Variants in MAP7D2 observed in about 807,000 individuals in gnomAD.
The protein encoded by MAP7D2 is MAP7 domain-containing protein 2.
Under a neutral mutation model 63.5 loss-of-function variants are expected in MAP7D2, and 33 were observed. The observed-to-expected ratio is 0.52, with a 90% CI of 0.39 to 0.70. The LOEUF (loss-of-function observed/expected upper bound fraction) is 0.70. Ranked by LOEUF, MAP7D2 falls within the 30% of genes least tolerant of loss-of-function variation. The pLI, the probability that MAP7D2 is intolerant of heterozygous loss-of-function variation, is 0.00. For missense variants in MAP7D2, 626 were observed against 604.0 expected, an observed-to-expected ratio of 1.04 and a Z score of -0.38; for synonymous variants, 224 against 223.7, an observed-to-expected ratio of 1.00 and a Z score of -0.01.
chrX:20,008,279 G>C lies in MAP7D2; in HGVS notation c.*146C>G, dbSNP rs752228968. 37 of 112,120 alleles carry C rather than the reference G, an allele frequency of 3.3e-4. No homozygotes were observed. Among genetic ancestry groups the C allele is most frequent in the African/African-American group, 1.2e-3 (36 of 30,948 alleles). The allele number at this position is 112,120 out of a possible 1,213,427, so 9.2% of individuals were successfully genotyped here. ...TGGCCAGTGTTTGACATACTACCTA[G>C]GAATACAGTTACATTCCGAGCTAAT... On this transcript the variant is annotated 3_prime_UTR_variant, in exon 17 of 17. Coordinates refer to ENST00000379643, the MANE Select transcript of MAP7D2 (RefSeq NM_001168465.2).
At chrX:20,061,118 C>CAAAA (rs780468494) in intron 3 of MAP7D2, among the ~76,000 whole-genome samples, 4 of 34,867 alleles carry the variant, frequency 1.1e-4, no homozygotes, top group Non-Finnish European at 1.6e-4. Flanking sequence ...AGAACATGAC[C>CAAAA]AAAAAAAAAA....
intron 1 of MAP7D2, among the ~76,000 whole-genome samples, chrX:20,112,572 C>A (rs2066774795): frequency 9.0e-6 from 1 of 111,062 alleles, no homozygotes; most frequent in African/African-American, 3.3e-5. Flanking sequence ...TTAAATGCGG[C>A]CGACTCAGAT....
chrX:20,025,599 C>T (rs1043123388), intron 9 of MAP7D2, 82 bp downstream of exon 9: 1 of 1,128,765 alleles, frequency 8.9e-7, no homozygotes, highest in African/African-American at 1.8e-5. Flanking sequence ...CCTTTCCCTC[C>T]CCAAAACATG....
intron 2 of MAP7D2, 43 bp from the exon 3 acceptor site, chrX:20,063,620 C>T: frequency 8.5e-7 from 1 of 1,181,308 alleles, no homozygotes; most frequent in Non-Finnish European, 1.1e-6. Flanking sequence ...ACCAGAGCAT[C>T]CCATGCAGTT....
At chrX:20,053,879 T>C (rs187806499) in intron 4 of MAP7D2, among the ~76,000 whole-genome samples, 112 of 112,192 alleles carry the variant, frequency 1.0e-3, no homozygotes, top group African/African-American at 3.5e-3. Flanking sequence ...AGTCTTGCTC[T>C]GTCTCCCAGG....
At chrX:20,050,268 T>C (rs1377152785) in intron 6 of MAP7D2, among the ~76,000 whole-genome samples, 1 of 111,792 alleles carries the variant, frequency 8.9e-6, no homozygotes, top group Non-Finnish European at 1.9e-5. Context: ...AGCTCCTAGA[T>C]GCTGCTGCCA....
intron 1 of MAP7D2, among the ~76,000 whole-genome samples, chrX:20,113,195 CAA>C (rs1382633973): frequency 6.3e-5 from 7 of 111,830 alleles, no homozygotes; most frequent in Non-Finnish European, 1.3e-4. Flanking sequence ...TTCCTACTAC[CAA>C]AGAGACTCTA....
chrX:20,082,024 C>T (rs1400688760), intron 1 of MAP7D2, among the ~76,000 whole-genome samples: 1 of 111,570 alleles, frequency 9.0e-6, no homozygotes. Context: ...CCTGCTATTC[C>T]AACTTAGCTC....
At chrX:20,029,524 G>A (rs756910191) in intron 8 of MAP7D2, among the ~76,000 whole-genome samples, 1 of 112,035 alleles carries the variant, frequency 8.9e-6, no homozygotes, top group African/African-American at 3.2e-5. Context: ...TTAAGAGAAT[G>A]GTCACATGTA....
In MAP7D2 at chrX:20,042,868, A is replaced by G. The variant is rs1246750516; in HGVS notation, c.880-239T>C. On this transcript the variant is annotated intron_variant, in intron 7 of 16. Transcript: ENST00000379643. ...GATTTCCTTCTCCTTGTTGTCTTTCAAAGAGTTAACAACTGAACCATATTA... is the reference window on the plus strand; with the variant it reads ...GATTTCCTTCTCCTTGTTGTCTTTCGAAGAGTTAACAACTGAACCATATTA... Among the ~76,000 whole-genome samples the G allele has an allele frequency of 3.6e-5, 4 of 112,417 alleles. No homozygotes were observed. The East Asian group carries it at 1.1e-3, about 31-fold the overall frequency.
intron 1 of MAP7D2, among the ~76,000 whole-genome samples, chrX:20,094,542 GTATATATATATATATATATATATATACA>G (rs2066187237): frequency 1.1e-3 from 7 of 6,095 alleles, no homozygotes; most frequent in South Asian, 0.032. Flanking sequence ...ATATATATAT[GTATATATATATATATATATATATATACA>G]TATATATGTA....
rs186679387 is a variant in MAP7D2 at position 20,116,839 on chromosome X, G to C, written c.41C>G (p.Pro14Arg). The change falls in exon 1 of 17, where the codon CCT becomes CGT. Residue 14 changes from proline to arginine, a missense_variant. Transcript: ENST00000379643. ...GGGGSGTGSR[P>R]EGTARGTSLP... The stretch of plus-strand genomic sequence containing the variant: ...AGAGGTTCCCCGCGCAGTCCCCTCA[G>C]GCCGGGATCCCGTCCCGGAGCCGCC... The C allele has an allele frequency of 8.6e-7, 1 of 1,165,868 alleles. No individual in the cohort carries two copies. The highest frequency in any genetic ancestry group is 3.4e-5 in the East Asian group (1 of 29,310).
chrX:20,112,807 C>A lies in MAP7D2; in HGVS notation c.130+3943G>T, dbSNP rs745875376. On this transcript the variant is annotated intron_variant, in intron 1 of 16. Coordinates refer to ENST00000379643, the MANE Select transcript of MAP7D2 (RefSeq NM_001168465.2). ...AATATATCTCATCAAATCCTCTCAA[C>A]AAGACCCACCAGGATATTTACCAAC... Among the ~76,000 whole-genome samples the A allele has an allele frequency of 8.1e-5, 9 of 111,783 alleles. No individual in the cohort carries two copies. In the East Asian group the frequency reaches 2.2e-3, roughly 28 times the overall value.
intron 1 of MAP7D2, among the ~76,000 whole-genome samples, chrX:20,112,659 T>A (rs1004635310): frequency 9.0e-5 from 10 of 111,524 alleles, no homozygotes; most frequent in Non-Finnish European, 1.5e-4. Flanking sequence ...CTGGTGAAAT[T>A]CCTTTCAAAA....
chrX:20,077,891 G>A (rs2065687622), intron 1 of MAP7D2, among the ~76,000 whole-genome samples: 1 of 112,257 alleles, frequency 8.9e-6, no homozygotes, highest in Non-Finnish European at 1.9e-5. Context: ...ATCACTGTTT[G>A]TTTGCTTGTT....
intron 10 of MAP7D2, among the ~76,000 whole-genome samples, chrX:20,019,386 C>G (rs2073549135): frequency 9.0e-6 from 1 of 111,450 alleles, no homozygotes; most frequent in Non-Finnish European, 1.9e-5. Context: ...AAGTCCCTCT[C>G]CCTTTCCTCA....
chrX:20,109,703 G>A (rs2066682905), intron 1 of MAP7D2, among the ~76,000 whole-genome samples: 1 of 110,753 alleles, frequency 9.0e-6, no homozygotes, highest in African/African-American at 3.3e-5. Flanking sequence ...TCAGCCCACT[G>A]TATTCAAGGG....
chrX:20,057,396 A>C (rs1052586600), intron 3 of MAP7D2, among the ~76,000 whole-genome samples: 6 of 109,694 alleles, frequency 5.5e-5, no homozygotes, highest in Admixed American at 2.9e-4. Context: ...TCTGGCCACA[A>C]AAAAAAAAGC....
chrX:20,094,516 GTATATATATATATA>G (rs1208747143), intron 1 of MAP7D2, among the ~76,000 whole-genome samples: 7 of 11,882 alleles, frequency 5.9e-4, no homozygotes, highest in African/African-American at 3.8e-3. Context: ...ATATATATAT[GTATATATATATATA>G]TATATATATA....
Sources: allele counts gnomAD v4.1 joint callset (sites outside exome capture counted in the v4.1 genomes callset), GRCh38; gene constraint gnomAD v4.1.1; transcripts MANE v1.5; gene names NCBI Gene and HGNC (gene_info 2026-07-23, HGNC 2026-07-21).